The following AKNA variants were observed in gnomAD, a reference collection of about 807,000 sequenced individuals.
The protein encoded by AKNA is AT-hook transcription factor, also known as microtubule organization protein AKNA.
Under a neutral mutation model 138.8 loss-of-function variants are expected in AKNA, and 67 were observed. That is an observed-to-expected ratio of 0.48 (90% CI 0.40 to 0.59). The LOEUF (loss-of-function observed/expected upper bound fraction) is 0.59. Ranked by LOEUF, AKNA falls within the 20% of genes least tolerant of loss-of-function variation. AKNA has a pLI of 0.00. For synonymous variants in AKNA, 737 were observed against 754.4 expected, an observed-to-expected ratio of 0.98 and a Z score of 0.38; for missense variants, 1,813 against 1,880.4, an observed-to-expected ratio of 0.96 and a Z score of 0.66.
Position 114,377,160 on chromosome 9 carries a change from T to C in AKNA, c.647A>G (p.Asp216Gly), listed in dbSNP as rs1473482591. Residue 216 changes from aspartate (D) to glycine (G), a missense_variant, in exon 3 of 22, where the codon GAT becomes GGT. By Grantham distance (94) the Asp-to-Gly change is moderately conservative (BLOSUM62 -1). Coordinates refer to ENST00000374088, the MANE Select transcript of AKNA (RefSeq NM_001317950.2). The stretch of plus-strand genomic sequence containing the variant: ...ATCGGTCTCTCCTTCCCAGGTAGAA[T>C]CAAGGCTGTCACTAGGGTGGTCGAG... Reference protein sequence around the residue: ...VSLDHPSDSLDSTWEGETDGP... With the variant: ...VSLDHPSDSLGSTWEGETDGP... 1 of 1,614,030 alleles carries C rather than the reference T, an allele frequency of 6.2e-7. No individual in the cohort carries two copies. Among genetic ancestry groups the C allele is most frequent in the Admixed American group, 1.7e-5 (1 of 59,998 alleles).
chr9:114,337,169 A>G lies in AKNA; in HGVS notation c.4205T>C (p.Leu1402Pro), dbSNP rs765791149. Residue 1402 changes from leucine (L) to proline (P), a missense_variant, in exon 22 of 22, where the codon CTG (leucine) becomes CCG (proline). Coordinates refer to ENST00000374088, the MANE Select transcript of AKNA (RefSeq NM_001317950.2). ...LGDLEELNKA[L>P]SRAVQAAESV... is the part of the protein sequence containing the mutation. ...CTCGGCAGCCTGCACGGCCCGGCTCAGGGCCTTGTTGAGCTCCTCTAGGTC... is the reference window on the plus strand; with the variant it reads ...CTCGGCAGCCTGCACGGCCCGGCTCGGGGCCTTGTTGAGCTCCTCTAGGTC... The G allele has an allele frequency of 6.2e-7, 1 of 1,610,986 alleles. No individual in the cohort carries two copies. Among genetic ancestry groups the G allele is most frequent in the Admixed American group, 1.7e-5 (1 of 59,880 alleles).
rs780592708 is a variant in AKNA at position 114,376,393 on chromosome 9, C to T, written c.1341+73G>A. On this transcript the variant is annotated intron_variant, in intron 3 of 21. Coordinates refer to ENST00000374088, the MANE Select transcript of AKNA (RefSeq NM_001317950.2). ...CAGCCAGCCTCTACTCCAGGCCTCCCCACCCCAATTAGCCTCCACCCCAAG... is the reference window on the plus strand; with the variant it reads ...CAGCCAGCCTCTACTCCAGGCCTCCTCACCCCAATTAGCCTCCACCCCAAG... 313 of 1,531,102 alleles carry T rather than the reference C, an allele frequency of 2.0e-4. No individual in the cohort carries two copies. The highest frequency in any genetic ancestry group is 2.5e-4 in the Non-Finnish European group (282 of 1,111,884). 94.8% of individuals were successfully genotyped at this position (1,531,102 alleles called of 1,614,324 possible). A position where few individuals can be genotyped will look rare whatever the true frequency, so the allele number is the denominator to read the frequency against.
At position 114,350,943 on chromosome 9, in the gene AKNA, G is replaced by A. The variant is rs139755326; in HGVS notation, c.3137C>T (p.Pro1046Leu). 1.3e-5 allele frequency: 21 copies of A among 1,612,710 alleles called. No individual in the cohort carries two copies. In the African/African-American group the frequency reaches 2.3e-4, roughly 17 times the overall value. ...PLPNKTISPP[P>L]APAPAAAPLP... is the part of the protein sequence containing the mutation. ...AGGCGCAGCGGCAGGGGCGGGGGCT[G>A]GGGGTGGGCTGATTGTCTTGTTGGG... The change falls in exon 15 of 22, where the codon CCA (proline) becomes CTA (leucine). Residue 1046 changes from proline (P) to leucine (L), a missense_variant. By Grantham distance (98) the Pro-to-Leu change is moderately conservative. Coordinates refer to ENST00000374088, the MANE Select transcript of AKNA (RefSeq NM_001317950.2).
intron 2 of AKNA, among the ~76,000 whole-genome samples, chr9:114,379,234 C>A (rs1268645528): frequency 6.6e-6 from 1 of 152,226 alleles, no homozygotes; most frequent in African/African-American, 2.4e-5. Flanking sequence ...GGGCCACGGG[C>A]AAGCTGCTGA....
chr9:114,337,749 C>A (rs900790507), intron 21 of AKNA, among the ~76,000 whole-genome samples: 1 of 151,934 alleles, frequency 6.6e-6, no homozygotes, highest in African/African-American at 2.4e-5. Flanking sequence ...ATTTGCCAAG[C>A]AAGGGGTGCT....
chr9:114,381,459 C>T lies in AKNA; in HGVS notation c.-113-13G>A. On this transcript the variant is annotated splice_polypyrimidine_tract_variant and intron_variant, in intron 1 of 21. Coordinates refer to ENST00000374088, the MANE Select transcript of AKNA (RefSeq NM_001317950.2). ...TCCTGCCTGTGCCCTGTCAGGGACA[C>T]ATTCAAGAGAGAACATTAATCAATC... The T allele has an allele frequency of 1.4e-6, 2 of 1,419,942 alleles. No individual in the cohort carries two copies. Among genetic ancestry groups the T allele is most frequent in the Non-Finnish European group, 9.2e-7 (1 of 1,090,808 alleles). 88.0% of individuals were successfully genotyped at this position (1,419,942 alleles called of 1,614,324 possible).
downstream of AKNA, among the ~76,000 whole-genome samples, chr9:114,332,298 C>G (rs1048014783): frequency 6.6e-6 from 1 of 152,130 alleles, no homozygotes. Context: ...TTTTAATACC[C>G]GTGCAGTGGG....
intron 19 of AKNA, 124 bp from the exon 20 acceptor site, chr9:114,342,249 C>A (rs991878186): frequency 3.1e-6 from 2 of 645,562 alleles, no homozygotes; most frequent in Middle Eastern, 3.7e-4. Context: ...GACAAGCTGC[C>A]TCCATCTGGG....
Position 114,377,474 on chromosome 9 carries a change from G to C in AKNA, c.333C>G (p.Leu111=). ...PASSHEPLAW[L]PQQGRQLDMT... Reference sequence around the variant, plus strand: ...TGTCCAGCTGACGGCCCTGCTGGGGGAGCCAGGCAAGAGGCTCATGGGAAC... The same window carrying C: ...TGTCCAGCTGACGGCCCTGCTGGGGCAGCCAGGCAAGAGGCTCATGGGAAC... Residue 111 remains leucine, a synonymous_variant, in exon 3 of 22, where the codon CTC becomes CTG. Coordinates refer to ENST00000374088, the MANE Select transcript of AKNA (RefSeq NM_001317950.2). 6.2e-7 allele frequency: 1 copy of C among 1,613,210 alleles called. No individual in the cohort carries two copies. The highest frequency in any genetic ancestry group is 1.1e-5 in the South Asian group (1 of 90,940).
intron 9 of AKNA, among the ~76,000 whole-genome samples, chr9:114,360,695 C>G (rs115358723): frequency 0.012 from 1,879 of 152,292 alleles, 29 homozygotes; most frequent in African/African-American, 0.043. Flanking sequence ...GCCAGGCTCT[C>G]TTTCCTGCTC....
At chr9:114,387,512 T>C (rs1334559267) in intron 1 of AKNA, among the ~76,000 whole-genome samples, 2 of 152,182 alleles carry the variant, frequency 1.3e-5, no homozygotes. Context: ...CTGCTGCCCA[T>C]GCCTGCATCG....
At chr9:114,361,160 C>T (rs1184239485) in intron 9 of AKNA, among the ~76,000 whole-genome samples, 7 of 152,160 alleles carry the variant, frequency 4.6e-5, no homozygotes, top group African/African-American at 1.7e-4. Context: ...CCCACAAGCC[C>T]CTACATCATG....
At position 114,347,905 on chromosome 9, in the gene AKNA, G is replaced by A. The variant is rs757413965; in HGVS notation, c.3222-5C>T. 7 of 1,550,568 alleles carry A rather than the reference G, an allele frequency of 4.5e-6. No homozygotes were observed. The highest frequency in any genetic ancestry group is 1.4e-5 in the African/African-American group (1 of 72,966). On this transcript the variant is annotated splice_polypyrimidine_tract_variant and splice_region_variant and intron_variant, in intron 15 of 21. Transcript: ENST00000374088. ...TGCAGCTCACAGATGGCCTGGCTGG[G>A]GTTGGAGTGGAGACAGAAACAAAGA...
intron 3 of AKNA, among the ~76,000 whole-genome samples, chr9:114,374,571 G>A (rs1833033128): frequency 6.6e-6 from 1 of 152,204 alleles, no homozygotes; most frequent in African/African-American, 2.4e-5. Flanking sequence ...TAAGAAGCAT[G>A]TGCTTAAGAA....
chr9:114,337,444 C>T (rs1412411363), intron 21 of AKNA, 138 bp from the exon 22 acceptor site: 2 of 883,310 alleles, frequency 2.3e-6, no homozygotes, highest in Non-Finnish European at 3.0e-6. Context: ...AGTTTCTTTA[C>T]CTCTAAAATG....
In AKNA at chr9:114,345,981, T is replaced by C. The variant is rs549074832; in HGVS notation, c.3543A>G (p.Pro1181=). ...TGGTCTTGCTCTTCTCAGAGAACAG[T>C]GGTAGGGAGGGCAGCTCAGATTCTG... ...LSSESELPSL[P]LFSEKSKTTK... The change falls in exon 18 of 22, where the codon CCA becomes CCG. Residue 1181 remains proline, a synonymous_variant. Coordinates refer to ENST00000374088, the MANE Select transcript of AKNA (RefSeq NM_001317950.2). The C allele has an allele frequency of 6.2e-7, 1 of 1,612,936 alleles. No individual in the cohort carries two copies. Among genetic ancestry groups the C allele is most frequent in the Non-Finnish European group, 8.5e-7 (1 of 1,179,658 alleles).
At chr9:114,345,402 A>G (rs1830614717) in intron 18 of AKNA, 1 of 153,710 alleles carries the variant, frequency 6.5e-6, no homozygotes, top group East Asian at 1.9e-4. Flanking sequence ...TTAATGTTAT[A>G]AGCACTTGAA....
At chr9:114,357,568 T>C (rs1252452186) in intron 12 of AKNA, among the ~76,000 whole-genome samples, 2 of 152,202 alleles carry the variant, frequency 1.3e-5, no homozygotes, top group African/African-American at 4.8e-5. Context: ...TGCATATATA[T>C]GCATTATTCT....
upstream of AKNA, among the ~76,000 whole-genome samples, chr9:114,391,080 C>T (rs554403275): frequency 2.0e-4 from 31 of 152,288 alleles, no homozygotes; most frequent in African/African-American, 7.0e-4. Flanking sequence ...TGACTCATAG[C>T]CCTCATAACA....
Sources: allele counts gnomAD v4.1 joint callset (sites outside exome capture counted in the v4.1 genomes callset), GRCh38; gene constraint gnomAD v4.1.1; transcripts MANE v1.5; gene names NCBI Gene and HGNC (gene_info 2026-07-23, HGNC 2026-07-21).